C6orf89: variants seen among roughly 807,000 people sequenced by gnomAD.
C6orf89 encodes the protein bombesin receptor-activated protein C6orf89.
In C6orf89, 29 loss-of-function variants were observed where a neutral mutation model predicts 40.7. The observed-to-expected ratio is 0.71, with a 90% CI of 0.53 to 0.97. The LOEUF is 0.97. C6orf89 is among the 50% of genes least tolerant of loss of function. The pLI is 0.00. For missense variants in C6orf89, 392 were observed against 429.1 expected (o/e 0.91, Z 0.76); for synonymous variants, 165 against 152.2 (o/e 1.08, Z -0.62).
chr6:36,907,408 T>C (rs1761968732), intron 4 of C6orf89, among the ~76,000 whole-genome samples: 1 of 152,202 alleles, frequency 6.6e-6, no homozygotes, highest in Non-Finnish European at 1.5e-5. Context: ...AAGTGAGTTT[T>C]CTTGTAAATA....
At chr6:36,922,725 C>T (rs577097218) in intron 8 of C6orf89, among the ~76,000 whole-genome samples, 20 of 152,320 alleles carry the variant, frequency 1.3e-4, no homozygotes, top group Admixed American at 2.6e-4. Context: ...CTACTGTTTG[C>T]CAAACCCAAT....
In C6orf89 at chr6:36,923,954, A is replaced by G. The variant is rs1331390643; in HGVS notation, c.*513A>G. On this transcript the variant is annotated 3_prime_UTR_variant, in exon 9 of 9. Coordinates refer to ENST00000480824, the MANE Select transcript of C6orf89 (RefSeq NM_001286635.2). ...TAGTTTCCCAAGCAAAGTGGAATCT[A>G]GAAACAGTGAAAAAAGTTCAGATAA... 3.0e-5 allele frequency: 6 copies of G among 198,672 alleles called. No individual in the cohort carries two copies. The highest frequency in any genetic ancestry group is 1.4e-4 in the African/African-American group (6 of 43,040). 12.3% of individuals were successfully genotyped at this position (198,672 alleles called of 1,614,324 possible).
rs191005627 is a variant in C6orf89, at chr6:36,898,898, T to C, written c.-19-528T>C. ...CACATGCCATGGTTTTTGTGTTGTC[T>C]GAAATCTTTGCTCTGCCAAGAACAA... is the stretch of plus-strand genomic sequence containing the variant. On this transcript the variant is annotated intron_variant, in intron 2 of 8. Coordinates refer to ENST00000480824, the MANE Select transcript of C6orf89 (RefSeq NM_001286635.2). 1.9e-4 allele frequency among the ~76,000 whole-genome samples: 29 copies of C among 152,324 alleles called. No individual in the cohort carries two copies. In the East Asian group the frequency reaches 5.6e-3, roughly 29 times the overall value.
At chr6:36,876,245 C>T (rs1198030447) in intron 1 of C6orf89, among the ~76,000 whole-genome samples, 1 of 152,064 alleles carries the variant, frequency 6.6e-6, no homozygotes, top group East Asian at 1.9e-4. Flanking sequence ...TATTGAAAAG[C>T]CACCCCCAAG....
intron 1 of C6orf89, among the ~76,000 whole-genome samples, chr6:36,876,649 G>A (rs1391547458): frequency 7.3e-5 from 11 of 151,240 alleles, no homozygotes; most frequent in African/African-American, 1.2e-4. Context: ...ACTTGAACAC[G>A]GAAGGTGGAG....
At chr6:36,878,627 G>C (rs926377670) in intron 1 of C6orf89, among the ~76,000 whole-genome samples, 4 of 152,180 alleles carry the variant, frequency 2.6e-5, no homozygotes. Context: ...TTCTATATTT[G>C]AGTCCTTGTG....
Position 36,927,776 on chromosome 6 carries a change from A to G in C6orf89, c.*4335A>G, listed in dbSNP as rs767055692. The stretch of plus-strand genomic sequence containing the variant: ...CGCTTGTGGAGACAGCTCTGTAGCA[A>G]ATGAAACACGGAAGCCTCCGGGAAT... On this transcript the variant is annotated 3_prime_UTR_variant, in exon 9 of 9. Transcript: ENST00000480824. 1 of 152,308 alleles carries G rather than the reference A, an allele frequency of 6.6e-6. No individual in the cohort carries two copies. The highest frequency in any genetic ancestry group is 1.5e-5 in the Non-Finnish European group (1 of 68,082). The allele number at this position is 152,308 out of a possible 1,614,324, so 9.4% of individuals were successfully genotyped here.
At chr6:36,902,652 C>T (rs746396108) in intron 4 of C6orf89, among the ~76,000 whole-genome samples, 2 of 152,160 alleles carry the variant, frequency 1.3e-5, no homozygotes, top group Non-Finnish European at 1.5e-5. Context: ...GCTAGAGGAA[C>T]ATCTGGTAGA....
chr6:36,874,793 G>T, intron 1 of C6orf89: 2 of 1,613,552 alleles, frequency 1.2e-6, no homozygotes, highest in Non-Finnish European at 1.7e-6. Context: ...GCGGCGGAAT[G>T]CTTGTCTAGT....
intron 4 of C6orf89, among the ~76,000 whole-genome samples, chr6:36,903,187 A>G (rs1292181715): frequency 6.6e-6 from 1 of 152,066 alleles, no homozygotes; most frequent in Non-Finnish European, 1.5e-5. Flanking sequence ...GGAGTTCAAG[A>G]CCAGCCTGGG....
In C6orf89 at chr6:36,907,042, C is replaced by G. The variant is rs141956312; in HGVS notation, c.403+4608C>G. Among the ~76,000 whole-genome samples the G allele has an allele frequency of 6.8e-4, 104 of 152,162 alleles. 3 individuals are homozygous for G. The East Asian group carries it at 0.018, about 26-fold the overall frequency. ...TCAGCCTTCCTGCCTGCCTTCCTGC[C>G]TTCCTCCCTCCTTCTTTTCCTCCTT... On this transcript the variant is annotated intron_variant, in intron 4 of 8. Transcript: ENST00000480824.
rs1762734572 is a variant in C6orf89, at chr6:36,927,823, G to A, written c.*4382G>A. The stretch of plus-strand genomic sequence containing the variant: ...GAATGTGTTTGTGTCACCAGCAGCA[G>A]GCATTTCCCTGTCCTCCCCACCCCC... On this transcript the variant is annotated 3_prime_UTR_variant, in exon 9 of 9. Transcript: ENST00000480824. The A allele has an allele frequency of 6.6e-6, 1 of 152,376 alleles. No individual in the cohort carries two copies. Among genetic ancestry groups the A allele is most frequent in the Non-Finnish European group, 1.5e-5 (1 of 68,152 alleles). The allele number at this position is 152,376 out of a possible 1,614,324, so 9.4% of individuals were successfully genotyped here. A position where few individuals can be genotyped will look rare whatever the true frequency, so the allele number is the denominator to read the frequency against.
chr6:36,906,753 C>T (rs1761941477), intron 4 of C6orf89, among the ~76,000 whole-genome samples: 1 of 152,154 alleles, frequency 6.6e-6, no homozygotes, highest in Admixed American at 6.5e-5. Flanking sequence ...GGCTTCACCC[C>T]TGCCTCATGC....
At chr6:36,901,397 C>T (rs1281362266) in intron 3 of C6orf89, among the ~76,000 whole-genome samples, 8 of 125,452 alleles carry the variant, frequency 6.4e-5, no homozygotes, top group Non-Finnish European at 4.8e-5. Flanking sequence ...TGCAGTGGTG[C>T]GATCTTGGCT....
intron 1 of C6orf89, among the ~76,000 whole-genome samples, chr6:36,893,116 A>G (rs1761282844): frequency 6.8e-6 from 1 of 147,852 alleles, no homozygotes; most frequent in African/African-American, 2.5e-5. Flanking sequence ...TTGTATTTTT[A>G]GTAGAGACGG....
upstream of C6orf89, among the ~76,000 whole-genome samples, chr6:36,885,318 T>C (rs1252166632): frequency 6.6e-6 from 1 of 152,216 alleles, no homozygotes; most frequent in Non-Finnish European, 1.5e-5. Flanking sequence ...TTCTGTACCT[T>C]ACTTCCGATT....
intron 4 of C6orf89, among the ~76,000 whole-genome samples, chr6:36,914,075 C>G (rs1762224293): frequency 6.6e-6 from 1 of 152,214 alleles, no homozygotes. Context: ...GCAGGAGAAT[C>G]CCTTGAACCC....
intron 4 of C6orf89, among the ~76,000 whole-genome samples, chr6:36,911,054 GTTTTTC>G (rs1554137289): frequency 6.6e-6 from 1 of 152,028 alleles, no homozygotes; most frequent in Non-Finnish European, 1.5e-5. Context: ...CCACCTCCAA[GTTTTTC>G]TTTTAGTTTG....
chr6:36,872,783 A>AT (rs958199626), intron 1 of C6orf89, among the ~76,000 whole-genome samples: 1 of 151,940 alleles, frequency 6.6e-6, no homozygotes, highest in Non-Finnish European at 1.5e-5. Context: ...AATTTGTTGT[A>AT]TTTTTTTGTA....
Sources: allele counts gnomAD v4.1 joint callset (sites outside exome capture counted in the v4.1 genomes callset), GRCh38; gene constraint gnomAD v4.1.1; transcripts MANE v1.5; gene names NCBI Gene and HGNC (gene_info 2026-07-23, HGNC 2026-07-21).